SRRM4: variants seen among roughly 807,000 people sequenced by gnomAD.
SRRM4 encodes serine/arginine repetitive matrix 4, also known as serine/arginine repetitive matrix protein 4.
A neutral mutation model predicts 68.9 loss-of-function variants in SRRM4; 33 were observed. The observed-to-expected ratio is 0.48, with a 90% CI of 0.36 to 0.64. The LOEUF (loss-of-function observed/expected upper bound fraction) is 0.64, where lower values mean the gene tolerates loss of function less well. SRRM4 is among the 30% of genes least tolerant of loss of function. SRRM4 has a pLI of 0.00. For synonymous variants in SRRM4, 318 were observed against 318.8 expected, an observed-to-expected ratio of 1.00 and a Z score of 0.03; for missense variants, 817 against 827.1, an observed-to-expected ratio of 0.99 and a Z score of 0.15.
intron 1 of SRRM4, among the ~76,000 whole-genome samples, chr12:119,044,168 A>G (rs1953689710): frequency 6.6e-6 from 1 of 152,214 alleles, no homozygotes; most frequent in Non-Finnish European, 1.5e-5. Context: ...CACCCTGCCT[A>G]TTTCCTGTAC....
intron 1 of SRRM4, among the ~76,000 whole-genome samples, chr12:119,084,077 T>G (rs898646953): frequency 6.6e-6 from 1 of 152,206 alleles, no homozygotes; most frequent in Non-Finnish European, 1.5e-5. Flanking sequence ...CTTCCCATTT[T>G]ACAGGTGCAG....
intron 1 of SRRM4, among the ~76,000 whole-genome samples, chr12:119,027,490 A>G (rs767156379): frequency 2.0e-5 from 3 of 151,906 alleles, no homozygotes; most frequent in Non-Finnish European, 2.9e-5. Context: ...ATCTTTTAAG[A>G]TATTAATATA....
Position 118,982,664 on chromosome 12 carries a change from A to ATTTT in SRRM4, c.131+652_131+655dup, listed in dbSNP as rs1448771127. On this transcript the variant is annotated intron_variant, in intron 1 of 12. Coordinates refer to ENST00000267260, the MANE Select transcript of SRRM4 (RefSeq NM_194286.4). ...GTGAAGATGATCTTGGAAGAGTTTT[A>ATTTT]TTTTGTTTTTTTTTGTTTTTTTTTT... Among the ~76,000 whole-genome samples the ATTTT allele has an allele frequency of 1.7e-4, 10 of 59,450 alleles. No homozygotes were observed. The East Asian group carries it at 2.5e-3, about 15-fold the overall frequency. The allele number at this position is 59,450 out of a possible 152,430, so 39.0% of individuals were successfully genotyped here.
chr12:118,987,501 A>G (rs1326437887), intron 1 of SRRM4, among the ~76,000 whole-genome samples: 1 of 152,188 alleles, frequency 6.6e-6, no homozygotes, highest in African/African-American at 2.4e-5. Flanking sequence ...TGTTTGAAAC[A>G]TTTGATGGAC....
intron 8 of SRRM4, among the ~76,000 whole-genome samples, chr12:119,144,374 T>C (rs1002598277): frequency 6.6e-6 from 1 of 152,140 alleles, no homozygotes; most frequent in Non-Finnish European, 1.5e-5. Flanking sequence ...ACAGAATTGA[T>C]GCCCCCACCC....
chr12:119,074,691 C>T (rs1356760381), intron 1 of SRRM4, among the ~76,000 whole-genome samples: 4 of 152,126 alleles, frequency 2.6e-5, no homozygotes, highest in Admixed American at 6.5e-5. Context: ...GAGATGACAT[C>T]GATCAAAGAC....
chr12:119,132,332 G>A (rs779580500), intron 8 of SRRM4: 5 of 152,232 alleles, frequency 3.3e-5, no homozygotes, highest in Middle Eastern at 3.4e-3. Flanking sequence ...TGATTATCCC[G>A]CTTGTCTCCC....
chr12:119,090,246 G>A (rs145095467), intron 1 of SRRM4, among the ~76,000 whole-genome samples: 1 of 152,254 alleles, frequency 6.6e-6, no homozygotes, highest in African/African-American at 2.4e-5. Context: ...TTAATAGTTT[G>A]ATAGAGGAAA....
chr12:119,036,087 T>C (rs957192819), intron 1 of SRRM4, among the ~76,000 whole-genome samples: 2 of 152,228 alleles, frequency 1.3e-5, no homozygotes, highest in Non-Finnish European at 2.9e-5. Flanking sequence ...GCCAATGATA[T>C]CTTTGACAAG....
intron 1 of SRRM4, among the ~76,000 whole-genome samples, chr12:119,071,771 T>G (rs1171929943): frequency 6.6e-6 from 1 of 152,206 alleles, no homozygotes. Flanking sequence ...AGATTCATCA[T>G]GCCGCACGCC....
intron 2 of SRRM4, among the ~76,000 whole-genome samples, chr12:119,109,246 C>T (rs1390405515): frequency 6.6e-6 from 1 of 152,118 alleles, no homozygotes; most frequent in Non-Finnish European, 1.5e-5. Context: ...TCTCTGGCTG[C>T]CCTTAACATT....
chr12:119,105,677 T>G (rs1954103436), intron 2 of SRRM4, among the ~76,000 whole-genome samples: 1 of 152,246 alleles, frequency 6.6e-6, no homozygotes, highest in South Asian at 2.1e-4. Flanking sequence ...GTTTGATTTT[T>G]TTCTTGTAAA....
intron 8 of SRRM4, chr12:119,132,193 T>A (rs1172552558): frequency 3.3e-5 from 5 of 152,122 alleles, no homozygotes; most frequent in Non-Finnish European, 2.9e-5. Flanking sequence ...ACTCTCTCTC[T>A]CACAAATATC....
At chr12:119,096,162 A>T (rs1397948482) in intron 1 of SRRM4, among the ~76,000 whole-genome samples, 1 of 148,386 alleles carries the variant, frequency 6.7e-6, no homozygotes, top group African/African-American at 2.5e-5. Flanking sequence ...CTGGGAGTAC[A>T]GGTGCCCGCC....
chr12:118,987,371 C>T (rs1953289206), intron 1 of SRRM4, among the ~76,000 whole-genome samples: 1 of 152,120 alleles, frequency 6.6e-6, no homozygotes, highest in South Asian at 2.1e-4. Context: ...CTGGGCTGCG[C>T]TTGTTCAGTA....
rs998419838 is a variant in SRRM4, at chr12:119,160,139, GT to G, written c.*3344del. The G allele has an allele frequency of 6.6e-6, 1 of 152,206 alleles. No homozygotes were observed. The allele number at this position is 152,206 out of a possible 1,614,324, so 9.4% of individuals were successfully genotyped here. A position where few individuals can be genotyped will look rare whatever the true frequency, so the allele number is the denominator to read the frequency against. ...TGAGACTTTTGCAACATCCCTGGTT[GT>G]TTCCCTGGCAATGTGACTATCCAGC... On this transcript the variant is annotated 3_prime_UTR_variant, in exon 13 of 13. Coordinates refer to ENST00000267260, the MANE Select transcript of SRRM4 (RefSeq NM_194286.4).
intron 1 of SRRM4, among the ~76,000 whole-genome samples, chr12:119,077,164 T>C (rs1197531686): frequency 2.0e-5 from 3 of 152,212 alleles, no homozygotes; most frequent in Admixed American, 6.5e-5. Flanking sequence ...TGAAAGCTAC[T>C]GGGTCCCTAC....
At chr12:119,068,713 C>T (rs1953860588) in intron 1 of SRRM4, among the ~76,000 whole-genome samples, 1 of 152,066 alleles carries the variant, frequency 6.6e-6, no homozygotes, top group East Asian at 1.9e-4. Context: ...CAACAACCTC[C>T]ATCTCGGTGT....
chr12:119,070,241 C>T (rs953628037), intron 1 of SRRM4, among the ~76,000 whole-genome samples: 1 of 150,740 alleles, frequency 6.6e-6, no homozygotes, highest in Non-Finnish European at 1.5e-5. Flanking sequence ...AAACTAGCCA[C>T]TTTTTACCTG....
Sources: gnomAD v4.1 joint callset for allele counts (sites outside exome capture counted in the v4.1 genomes callset) on GRCh38, gnomAD v4.1.1 for gene constraint, MANE v1.5 for transcripts, NCBI Gene and HGNC (gene_info 2026-07-23, HGNC 2026-07-21) for gene names.